ALK: variants seen among roughly 807,000 people sequenced by gnomAD.
ALK encodes the protein ALK tyrosine kinase receptor.
Under a neutral mutation model 163.1 loss-of-function variants are expected in ALK, and 74 were observed. The ratio of observed to expected loss-of-function variants is 0.45; its 90% CI spans 0.38 to 0.55. The LOEUF (loss-of-function observed/expected upper bound fraction) is 0.55, where lower values mean the gene tolerates loss of function less well. ALK is among the 20% of genes least tolerant of loss of function. The pLI is 0.00. For synonymous variants in ALK, 960 were observed against 843.2 expected (o/e 1.14, Z -2.40); for missense variants, 2,063 against 2,105.3 (o/e 0.98, Z 0.39).
chr2:29,612,715 G>C (rs1558408077), intron 3 of ALK, among the ~76,000 whole-genome samples: 3 of 152,138 alleles, frequency 2.0e-5, no homozygotes, highest in South Asian at 2.1e-4. Context: ...GCTCATGAAG[G>C]GGGTGCTGGG....
intron 3 of ALK, among the ~76,000 whole-genome samples, chr2:29,613,872 T>C (rs1675764873): frequency 1.3e-5 from 2 of 152,174 alleles, no homozygotes; most frequent in Non-Finnish European, 2.9e-5. Context: ...CTTTTCCCTC[T>C]GGCTAAGTAG....
At chr2:29,772,857 T>C (rs894375721) in intron 1 of ALK, among the ~76,000 whole-genome samples, 1 of 152,204 alleles carries the variant, frequency 6.6e-6, no homozygotes, top group African/African-American at 2.4e-5. Flanking sequence ...AATATTTTCC[T>C]ACCTGGTCTC....
intron 26 of ALK, among the ~76,000 whole-genome samples, chr2:29,206,797 G>A (rs1269702857): frequency 7.0e-6 from 1 of 143,044 alleles, no homozygotes. Flanking sequence ...GTGTGTGTGT[G>A]TGTATGTATG....
intron 4 of ALK, among the ~76,000 whole-genome samples, chr2:29,508,791 T>C (rs6758410): frequency 0.68 from 98,327 of 144,146 alleles, 34,895 homozygotes; most frequent in South Asian, 0.8. Context: ...CCCTGACCTA[T>C]TGAATCAGAA....
At chr2:29,544,078 T>TTAC (rs1289266768) in intron 3 of ALK, among the ~76,000 whole-genome samples, 6 of 152,218 alleles carry the variant, frequency 3.9e-5, no homozygotes, top group Non-Finnish European at 7.3e-5. Flanking sequence ...TTATCTGCTA[T>TTAC]TACTCTTTCA....
chr2:29,280,655 AGC>A (rs1665691689), intron 9 of ALK, among the ~76,000 whole-genome samples: 2 of 140,454 alleles, frequency 1.4e-5, no homozygotes, highest in Admixed American at 1.4e-4. Flanking sequence ...TGTACCAGGT[AGC>A]CCACTCTGGG....
intron 1 of ALK, among the ~76,000 whole-genome samples, chr2:29,868,492 C>G (rs753484935): frequency 2.0e-5 from 3 of 152,046 alleles, no homozygotes; most frequent in Non-Finnish European, 4.4e-5. Context: ...CAAGGAAGAG[C>G]AATAAAGAGT....
intron 5 of ALK, among the ~76,000 whole-genome samples, chr2:29,378,834 C>G (rs1202214495): frequency 6.6e-6 from 1 of 152,074 alleles, no homozygotes; most frequent in Non-Finnish European, 1.5e-5. Flanking sequence ...CCTCAGCCTC[C>G]CGAGTAGCTG....
At chr2:29,199,198 C>T (rs1669098483) in intron 26 of ALK, among the ~76,000 whole-genome samples, 1 of 152,160 alleles carries the variant, frequency 6.6e-6, no homozygotes, top group African/African-American at 2.4e-5. Context: ...AGGTGATCCA[C>T]CCACCTCGGC....
chr2:29,207,087 T>A, intron 26 of ALK, 84 bp downstream of exon 26: 1 of 1,049,496 alleles, frequency 9.5e-7, no homozygotes, highest in Non-Finnish European at 1.5e-6. Flanking sequence ...ACACACGGGC[T>A]CCCGGCTTAG....
chr2:29,636,271 T>C (rs1320201770), intron 3 of ALK, among the ~76,000 whole-genome samples: 3 of 151,116 alleles, frequency 2.0e-5, no homozygotes, highest in African/African-American at 2.4e-5. Context: ...AGAGGAAGGA[T>C]AGGCTTGCAA....
intron 1 of ALK, among the ~76,000 whole-genome samples, chr2:29,800,949 G>A (rs13389082): frequency 0.013 from 2,024 of 152,230 alleles, 51 homozygotes; most frequent in African/African-American, 0.045. Flanking sequence ...GTGGGCTCCC[G>A]TGGGCGCTGG....
At chr2:29,688,054 T>G (rs879881555) in intron 3 of ALK, among the ~76,000 whole-genome samples, 1 of 152,222 alleles carries the variant, frequency 6.6e-6, no homozygotes, top group Non-Finnish European at 1.5e-5. Flanking sequence ...TTTGGAGAGT[T>G]AGTGTTGTCA....
intron 4 of ALK, among the ~76,000 whole-genome samples, chr2:29,479,127 A>C (rs1671597276): frequency 6.6e-6 from 1 of 152,098 alleles, no homozygotes; most frequent in Non-Finnish European, 1.5e-5. Flanking sequence ...TGTTAGAGAG[A>C]GCTCTAGAGC....
intron 5 of ALK, among the ~76,000 whole-genome samples, chr2:29,360,940 G>C (rs1223297822): frequency 4.6e-5 from 7 of 152,200 alleles, no homozygotes; most frequent in Non-Finnish European, 2.9e-5. Context: ...CCCTGGTCAT[G>C]GGCCTGAAAC....
Position 29,193,455 on chromosome 2 carries a change from G to C in ALK, c.4632C>G (p.Asn1544Lys). ...GLEGSCTVPPNVATGRLPGAS... is the reference protein window; with the variant it reads ...GLEGSCTVPPKVATGRLPGAS... ...CCCCCGGAAGTCTCCCAGTTGCAAC[G>C]TTAGGTGGGACAGTACAGCTTCCCT... Residue 1544 changes from asparagine to lysine, a missense_variant, in exon 29 of 29, where the codon AAC (asparagine) becomes AAG (lysine). Asn to Lys is a moderately conservative substitution (Grantham distance 94). Around this residue, in one of 5 missense-constraint regions of ALK, gnomAD observed 403 missense variants for 366.2 expected, o/e 1.10. Coordinates refer to ENST00000389048, the MANE Select transcript of ALK (RefSeq NM_004304.5). 6.2e-7 allele frequency: 1 copy of C among 1,614,198 alleles called. No individual in the cohort carries two copies. The highest frequency in any genetic ancestry group is 1.1e-5 in the South Asian group (1 of 91,082).
chr2:29,715,619 T>G (rs2631974), intron 2 of ALK, among the ~76,000 whole-genome samples: 111,193 of 151,904 alleles, frequency 0.73, 41,994 homozygotes, highest in Non-Finnish European at 0.83. Flanking sequence ...CAGCATGGAG[T>G]GGGTAGATTT....
At chr2:29,622,510 G>A (rs1676063780) in intron 3 of ALK, among the ~76,000 whole-genome samples, 3 of 152,148 alleles carry the variant, frequency 2.0e-5, no homozygotes, top group South Asian at 4.2e-4. Context: ...CCTCCCTCTG[G>A]GTCCCTCCCA....
intron 5 of ALK, among the ~76,000 whole-genome samples, chr2:29,329,485 C>T (rs530474395): frequency 1.1e-4 from 17 of 152,170 alleles, no homozygotes; most frequent in Non-Finnish European, 1.5e-5. Context: ...GTCAACACCC[C>T]GAGTGAGCCT....
Sources: allele counts gnomAD v4.1 joint callset (sites outside exome capture counted in the v4.1 genomes callset), GRCh38; gene constraint gnomAD v4.1.1; regional missense constraint gnomAD v4.1.1; transcripts MANE v1.5; gene names NCBI Gene and HGNC (gene_info 2026-07-23, HGNC 2026-07-21).